SAMD8: variants seen among roughly 807,000 people sequenced by gnomAD.
SAMD8 encodes sphingomyelin synthase-related protein 1.
A neutral mutation model predicts 42.0 loss-of-function variants in SAMD8; 20 were observed. The ratio of observed to expected loss-of-function variants is 0.48; its 90% CI spans 0.34 to 0.69. The LOEUF is 0.69. SAMD8 is among the 30% of genes least tolerant of loss of function. The pLI is 0.01. For missense variants in SAMD8, 328 were observed against 511.6 expected (o/e 0.64, Z 3.46); for synonymous variants, 162 against 173.0 (o/e 0.94, Z 0.50).
At chr10:75,103,926 G>A in intron 1 of SAMD8, 2 of 1,316,022 alleles carry the variant, frequency 1.5e-6, no homozygotes, top group Middle Eastern at 2.2e-4. Context: ...CTGAGAGGGG[G>A]TGTAGGCGCC....
Position 75,150,508 on chromosome 10 carries a change from C to A in SAMD8, c.-15-6C>A. 1.3e-6 allele frequency: 2 copies of A among 1,592,182 alleles called. No homozygotes were observed. Among genetic ancestry groups the A allele is most frequent in the South Asian group, 1.1e-5 (1 of 87,080 alleles). ...TTTGTTTTGTTTTCCTGTTTTCTCTCTACAGGCAGCGGAGGAGGAAATGGC... is the reference window on the plus strand; with the variant it reads ...TTTGTTTTGTTTTCCTGTTTTCTCTATACAGGCAGCGGAGGAGGAAATGGC... On this transcript the variant is annotated splice_polypyrimidine_tract_variant and splice_region_variant and intron_variant, in intron 1 of 5. Transcript: ENST00000542569.
chr10:75,118,199 A>G (rs1483217555), intron 1 of SAMD8, among the ~76,000 whole-genome samples: 2 of 152,250 alleles, frequency 1.3e-5, no homozygotes, highest in Admixed American at 1.3e-4. Flanking sequence ...CCTAAATTCT[A>G]CTGCTCAGAA....
chr10:75,101,762 C>T, intron 1 of SAMD8: 1 of 762,866 alleles, frequency 1.3e-6, no homozygotes, highest in Non-Finnish European at 2.0e-6. Context: ...TCTACCCAAC[C>T]CAAACCCCAC....
At chr10:75,166,078 G>T (rs1840670100) in intron 3 of SAMD8, among the ~76,000 whole-genome samples, 1 of 151,616 alleles carries the variant, frequency 6.6e-6, no homozygotes. Flanking sequence ...AAATTGGAAA[G>T]TGTGTCTTGG....
chr10:75,145,899 A>T (rs1192153036), intron 1 of SAMD8, among the ~76,000 whole-genome samples: 2 of 152,162 alleles, frequency 1.3e-5, no homozygotes, highest in African/African-American at 4.8e-5. Context: ...GCTCTTTGGA[A>T]TAGGTACTTT....
At chr10:75,140,630 G>A (rs1839989527) in intron 1 of SAMD8, among the ~76,000 whole-genome samples, 1 of 152,218 alleles carries the variant, frequency 6.6e-6, no homozygotes, top group Non-Finnish European at 1.5e-5. Flanking sequence ...AGAAGCTGCT[G>A]ATTTTTGGGA....
At chr10:75,158,520 A>G (rs559919670) in intron 2 of SAMD8, among the ~76,000 whole-genome samples, 2 of 152,132 alleles carry the variant, frequency 1.3e-5, no homozygotes, top group African/African-American at 4.8e-5. Flanking sequence ...TGAACCTAGG[A>G]GGTGGAGGTT....
chr10:75,128,274 T>C (rs1849192353), intron 1 of SAMD8, among the ~76,000 whole-genome samples: 1 of 152,056 alleles, frequency 6.6e-6, no homozygotes, highest in Non-Finnish European at 1.5e-5. Flanking sequence ...CATTTCACCA[T>C]GTTGGCTAGG....
chr10:75,124,150 C>A (rs1849071773), intron 1 of SAMD8, among the ~76,000 whole-genome samples: 1 of 152,134 alleles, frequency 6.6e-6, no homozygotes, highest in South Asian at 2.1e-4. Context: ...ACCCAAAGAG[C>A]TCACTACTGT....
intron 1 of SAMD8, among the ~76,000 whole-genome samples, chr10:75,112,298 G>A (rs1848789537): frequency 1.3e-5 from 2 of 152,226 alleles, no homozygotes; most frequent in Non-Finnish European, 2.9e-5. Context: ...ATGGGAAATC[G>A]TCTGGCCTCA....
At chr10:75,154,319 G>C (rs181931098) in intron 2 of SAMD8, among the ~76,000 whole-genome samples, 6 of 152,178 alleles carry the variant, frequency 3.9e-5, no homozygotes, top group Non-Finnish European at 5.9e-5. Context: ...TGTTATATCC[G>C]TGTATCTTGT....
intron 1 of SAMD8, among the ~76,000 whole-genome samples, chr10:75,147,470 C>T (rs1266260832): frequency 1.3e-5 from 2 of 152,104 alleles, no homozygotes; most frequent in African/African-American, 4.8e-5. Context: ...AGATTACAGG[C>T]GCCCGCCACC....
upstream of SAMD8, chr10:75,108,294 A>C: frequency 2.0e-6 from 3 of 1,505,100 alleles, no homozygotes; most frequent in East Asian, 2.3e-5. Context: ...CTGCAGAGGG[A>C]CCGAGCCATT....
At chr10:75,126,799 C>T (rs1339884346) in intron 1 of SAMD8, among the ~76,000 whole-genome samples, 3 of 151,870 alleles carry the variant, frequency 2.0e-5, no homozygotes, top group Admixed American at 6.6e-5. Flanking sequence ...CCGGGTTGGC[C>T]GGATTGTATC....
At chr10:75,162,862 A>T (rs2132193745) in intron 2 of SAMD8, among the ~76,000 whole-genome samples, 1 of 152,282 alleles carries the variant, frequency 6.6e-6, no homozygotes, top group South Asian at 2.1e-4. Context: ...CAAACTAAAA[A>T]AAAGAAGAAT....
chr10:75,109,174 C>G, upstream of SAMD8: 3 of 1,556,158 alleles, frequency 1.9e-6, no homozygotes, highest in Non-Finnish European at 2.6e-6. Context: ...GCCCGCCCAC[C>G]CCTCTGCCTC....
chr10:75,115,728 C>G (rs1467974676), intron 1 of SAMD8, among the ~76,000 whole-genome samples: 1 of 152,026 alleles, frequency 6.6e-6, no homozygotes, highest in Non-Finnish European at 1.5e-5. Flanking sequence ...ATCACGAGGC[C>G]AGGAGATCGA....
chr10:75,117,251 C>T (rs1442861341), intron 1 of SAMD8, among the ~76,000 whole-genome samples: 4 of 151,268 alleles, frequency 2.6e-5, no homozygotes, highest in African/African-American at 4.8e-5. Flanking sequence ...AGTGAGACCT[C>T]GTCTCTACTA....
intron 1 of SAMD8, among the ~76,000 whole-genome samples, chr10:75,126,540 C>T (rs1250138963): frequency 1.5e-5 from 2 of 131,598 alleles, no homozygotes; most frequent in South Asian, 2.4e-4. Context: ...CTTGCTGTGT[C>T]ATCCAGGCTG....
Sources: gnomAD v4.1 joint callset for allele counts (sites outside exome capture counted in the v4.1 genomes callset) on GRCh38, gnomAD v4.1.1 for gene constraint, MANE v1.5 for transcripts, NCBI Gene and HGNC (gene_info 2026-07-23, HGNC 2026-07-21) for gene names.